The following PRKN variants were observed in gnomAD, a reference collection of about 807,000 sequenced individuals.
PRKN encodes the protein parkin RBR E3 ubiquitin protein ligase, also known as E3 ubiquitin-protein ligase parkin.
A neutral mutation model predicts 59.5 loss-of-function variants in PRKN; 56 were observed. That is an observed-to-expected ratio of 0.94 (90% confidence interval 0.76 to 1.18). The LOEUF is 1.18. PRKN is among the 50% of genes most tolerant of loss of function. The pLI is 0.00. For missense variants in PRKN, 657 were observed against 596.4 expected, an observed-to-expected ratio of 1.10 and a Z score of -1.06; for synonymous variants, 250 against 222.1, an observed-to-expected ratio of 1.13 and a Z score of -1.12.
chr6:161,799,451 C>T (rs1429643702), intron 6 of PRKN, among the ~76,000 whole-genome samples: 1 of 152,206 alleles, frequency 6.6e-6, no homozygotes, highest in Non-Finnish European at 1.5e-5. Context: ...CCATCTCCCC[C>T]CATCTGCCAG....
At chr6:162,248,871 C>T (rs1444384916) in intron 3 of PRKN, among the ~76,000 whole-genome samples, 2 of 151,374 alleles carry the variant, frequency 1.3e-5, no homozygotes, top group East Asian at 1.9e-4. Flanking sequence ...TAGACTATTG[C>T]TTTTGTATAT....
intron 2 of PRKN, among the ~76,000 whole-genome samples, chr6:162,396,191 T>C (rs1465043912): frequency 6.6e-6 from 1 of 152,212 alleles, no homozygotes; most frequent in East Asian, 1.9e-4. Context: ...GTATATGTAC[T>C]AAACCAGCTG....
At chr6:162,306,671 C>T (rs770620263) in intron 2 of PRKN, among the ~76,000 whole-genome samples, 3 of 152,140 alleles carry the variant, frequency 2.0e-5, no homozygotes, top group Non-Finnish European at 2.9e-5. Flanking sequence ...ACTATGTGTC[C>T]GGTACTACGC....
intron 2 of PRKN, among the ~76,000 whole-genome samples, chr6:162,402,698 C>T (rs1424472290): frequency 7.4e-5 from 11 of 149,408 alleles, no homozygotes; most frequent in Admixed American, 2.7e-4. Flanking sequence ...CTCTGTTGCA[C>T]AAGCTGGAGT....
intron 6 of PRKN, among the ~76,000 whole-genome samples, chr6:161,962,917 G>T (rs1790003): frequency 0.12 from 18,764 of 151,836 alleles, 1,487 homozygotes; most frequent in East Asian, 0.27. Flanking sequence ...GGCTGAGGCC[G>T]GTGGATCACC....
At chr6:162,571,902 TTATC>T (rs1351630681) in intron 1 of PRKN, among the ~76,000 whole-genome samples, 1 of 152,214 alleles carries the variant, frequency 6.6e-6, no homozygotes, top group Admixed American at 6.5e-5. Context: ...CCCTGTCATG[TTATC>T]TGAGACCAAT....
At position 161,471,281 on chromosome 6, in the gene PRKN, A is replaced by G. The variant is rs186553899; in HGVS notation, c.1083+77573T>C. Among the ~76,000 whole-genome samples, 43 of 152,338 alleles carry G rather than the reference A, an allele frequency of 2.8e-4. 1 individual carries two copies. The East Asian group carries it at 8.1e-3, about 29-fold the overall frequency. ...ATAGCCAAACATTAGCAGAGTCTGC[A>G]ATGTCTGAGTTTTGGGGTTATGGGG... On this transcript the variant is annotated intron_variant, in intron 9 of 11. Coordinates refer to ENST00000366898, the MANE Select transcript of PRKN (RefSeq NM_004562.3). The surrounding 1 kb of genome is among the most constrained non-coding windows in gnomAD (Gnocchi z 4.5).
chr6:161,350,671 T>A (rs1485794924), intron 11 of PRKN, among the ~76,000 whole-genome samples: 15 of 75,286 alleles, frequency 2.0e-4, no homozygotes, highest in African/African-American at 8.8e-4. Flanking sequence ...ATATTTATAT[T>A]TAAAATATAT....
At chr6:162,121,354 C>T (rs1780908486) in intron 4 of PRKN, among the ~76,000 whole-genome samples, 2 of 152,214 alleles carry the variant, frequency 1.3e-5, no homozygotes, top group Middle Eastern at 6.8e-3. Context: ...TTGAATGCTT[C>T]CGAGCATGTG....
chr6:161,733,798 G>GTGTATATA (rs1787839642), intron 7 of PRKN, among the ~76,000 whole-genome samples: 27 of 122,372 alleles, frequency 2.2e-4, no homozygotes, highest in African/African-American at 7.4e-4. Context: ...ATATATATAT[G>GTGTATATA]TATATATATA....
intron 7 of PRKN, among the ~76,000 whole-genome samples, chr6:161,620,608 G>A (rs888692605): frequency 2.0e-5 from 3 of 152,092 alleles, no homozygotes; most frequent in African/African-American, 4.8e-5. Flanking sequence ...AGAGGAATCC[G>A]AATCTCCACT....
At position 161,448,218 on chromosome 6, in the gene PRKN, G is replaced by C. The variant is rs1789581152; in HGVS notation, c.1084-61341C>G. Among the ~76,000 whole-genome samples the C allele has an allele frequency of 6.6e-6, 1 of 152,108 alleles. No individual in the cohort carries two copies. The highest frequency in any genetic ancestry group is 2.4e-5 in the African/African-American group (1 of 41,418). On this transcript the variant is annotated intron_variant, in intron 9 of 11. Transcript: ENST00000366898. This position sits in a 1 kb window ranked among gnomAD's most constrained non-coding sequence, Gnocchi z 5.1. The stretch of plus-strand genomic sequence containing the variant: ...TTCCCCACACCGTAATATTTCACTG[G>C]ATTCTTGGAATATCAGAAATTCATC...
chr6:162,722,424 G>A (rs1463099061), intron 1 of PRKN, among the ~76,000 whole-genome samples: 12 of 152,090 alleles, frequency 7.9e-5, no homozygotes, highest in Admixed American at 5.9e-4. Context: ...TAAATCAGCC[G>A]ACTGTCACAT....
chr6:162,380,224 T>C (rs1409326698), intron 2 of PRKN, among the ~76,000 whole-genome samples: 3 of 151,870 alleles, frequency 2.0e-5, no homozygotes, highest in African/African-American at 7.3e-5. Flanking sequence ...CAAGTAAATT[T>C]GAAATCAAGT....
chr6:162,578,925 T>G (rs73595904), intron 1 of PRKN, among the ~76,000 whole-genome samples: 3,136 of 152,286 alleles, frequency 0.021, 108 homozygotes, highest in African/African-American at 0.07. Context: ...AAGTTCAAGG[T>G]TGACACAAAA....
intron 7 of PRKN, among the ~76,000 whole-genome samples, chr6:161,774,928 G>A (rs1405776800): frequency 6.6e-6 from 1 of 152,184 alleles, no homozygotes; most frequent in East Asian, 1.9e-4. Context: ...GGAGGCAGAA[G>A]GAACTTTGAA....
chr6:161,742,898 G>A (rs981470993), intron 7 of PRKN, among the ~76,000 whole-genome samples: 10 of 152,116 alleles, frequency 6.6e-5, no homozygotes, highest in South Asian at 2.1e-4. Flanking sequence ...TCTGAAGGCC[G>A]CAGAGGTTGA....
At chr6:162,313,755 G>A (rs1003278305) in intron 2 of PRKN, among the ~76,000 whole-genome samples, 1 of 152,022 alleles carries the variant, frequency 6.6e-6, no homozygotes, top group Non-Finnish European at 1.5e-5. Flanking sequence ...CCAAAATGCT[G>A]GGATTACAGG....
intron 1 of PRKN, among the ~76,000 whole-genome samples, chr6:162,467,631 C>G (rs1234526073): frequency 1.3e-5 from 2 of 152,128 alleles, no homozygotes; most frequent in Non-Finnish European, 2.9e-5. Flanking sequence ...ACTCTCAGAA[C>G]AGGACTCCCA....
Sources: gnomAD v4.1 joint callset for allele counts (sites outside exome capture counted in the v4.1 genomes callset) on GRCh38, gnomAD v4.1.1 for gene constraint, Gnocchi (gnomAD v3.1) non-coding constraint, MANE v1.5 for transcripts, NCBI Gene and HGNC (gene_info 2026-07-23, HGNC 2026-07-21) for gene names.